Variants in LRBA observed in about 807,000 individuals in gnomAD.
LRBA encodes LPS responsive beige-like anchor protein.
Under a neutral mutation model 330.0 loss-of-function variants are expected in LRBA, and 176 were observed. That is an observed-to-expected ratio of 0.53 (90% CI 0.47 to 0.60). LRBA has a LOEUF of 0.60. LRBA is among the 20% of genes least tolerant of loss of function. LRBA has a pLI of 0.00. For synonymous variants in LRBA, 1,230 were observed against 1,193.0 expected, an observed-to-expected ratio of 1.03 and a Z score of -0.64; for missense variants, 3,259 against 3,444.8, an observed-to-expected ratio of 0.95 and a Z score of 1.35.
At chr4:150,781,211 T>C (rs11934912) in intron 34 of LRBA, among the ~76,000 whole-genome samples, 107,187 of 152,184 alleles carry the variant, frequency 0.7, 42,716 homozygotes, top group Non-Finnish European at 0.9. Flanking sequence ...CATTGTACTA[T>C]GTAGCAAAAT....
intron 42 of LRBA, among the ~76,000 whole-genome samples, chr4:150,481,174 T>C (rs1475913305): frequency 2.0e-5 from 3 of 152,186 alleles, no homozygotes; most frequent in Non-Finnish European, 4.4e-5. Context: ...CAAGATTCCA[T>C]GTTTTTTTAT....
chr4:150,573,330 T>C (rs1355130109), intron 40 of LRBA, among the ~76,000 whole-genome samples: 1 of 152,152 alleles, frequency 6.6e-6, no homozygotes, highest in East Asian at 1.9e-4. Context: ...AAAACATAAA[T>C]TCACAAATAG....
intron 35 of LRBA, among the ~76,000 whole-genome samples, chr4:150,736,328 C>T (rs911622416): frequency 1.3e-5 from 2 of 151,632 alleles, no homozygotes; most frequent in African/African-American, 2.4e-5. Context: ...CAATATCATA[C>T]GAATGGAAAC....
At chr4:150,924,694 C>T (rs923160514) in intron 4 of LRBA, among the ~76,000 whole-genome samples, 2 of 152,016 alleles carry the variant, frequency 1.3e-5, no homozygotes, top group East Asian at 1.9e-4. Flanking sequence ...TAACAGCAAA[C>T]GATAGAAATA....
chr4:150,411,627 A>T (rs573181970), intron 47 of LRBA, among the ~76,000 whole-genome samples: 89 of 152,298 alleles, frequency 5.8e-4, no homozygotes, highest in Admixed American at 2.0e-4. Flanking sequence ...ATTGTAACAC[A>T]CAGCTTGATG....
intron 54 of LRBA, among the ~76,000 whole-genome samples, chr4:150,285,429 T>C (rs1459429264): frequency 2.6e-5 from 4 of 152,220 alleles, no homozygotes; most frequent in Admixed American, 2.6e-4. Flanking sequence ...CCAGCTTAAG[T>C]ATCTTTCTAC....
chr4:150,543,227 G>A (rs186700454), intron 40 of LRBA, among the ~76,000 whole-genome samples: 1 of 152,272 alleles, frequency 6.6e-6, no homozygotes, highest in African/African-American at 2.4e-5. Flanking sequence ...CAAATTACAT[G>A]TCATTCTTAT....
At chr4:150,797,315 C>G (rs1413392543) in intron 34 of LRBA, among the ~76,000 whole-genome samples, 1 of 151,576 alleles carries the variant, frequency 6.6e-6, no homozygotes, top group Admixed American at 6.6e-5. Flanking sequence ...TGGGTCAAAA[C>G]CCTTGACCTC....
At chr4:150,814,106 TAC>T (rs1744193689) in intron 31 of LRBA, among the ~76,000 whole-genome samples, 1 of 152,066 alleles carries the variant, frequency 6.6e-6, no homozygotes, top group Admixed American at 6.6e-5. Flanking sequence ...ATACTTGAGG[TAC>T]AGTTTTTACT....
intron 47 of LRBA, among the ~76,000 whole-genome samples, chr4:150,397,802 A>T (rs1170374058): frequency 6.6e-6 from 1 of 152,206 alleles, no homozygotes; most frequent in African/African-American, 2.4e-5. Context: ...CTACAGGTTG[A>T]GAGTAATAAT....
intron 21 of LRBA, 91 bp downstream of exon 21, chr4:150,868,091 A>T: frequency 1.5e-6 from 2 of 1,297,756 alleles, no homozygotes; most frequent in African/African-American, 3.0e-5. Flanking sequence ...ATCATTTCAC[A>T]GTATTTTTAA....
At chr4:150,783,356 CA>C (rs1307203690) in intron 34 of LRBA, among the ~76,000 whole-genome samples, 1 of 152,070 alleles carries the variant, frequency 6.6e-6, no homozygotes, top group Non-Finnish European at 1.5e-5. Context: ...GATAGAAATA[CA>C]AGACAAGTCT....
chr4:150,520,831 A>G (rs563793900), intron 40 of LRBA, among the ~76,000 whole-genome samples: 80 of 152,300 alleles, frequency 5.3e-4, no homozygotes, highest in African/African-American at 1.7e-3. Flanking sequence ...TTGGGTAACT[A>G]TGCTATATAA....
intron 35 of LRBA, among the ~76,000 whole-genome samples, chr4:150,745,047 T>A (rs565263581): frequency 6.6e-6 from 1 of 152,200 alleles, no homozygotes; most frequent in South Asian, 2.1e-4. Context: ...TCTGAGAGCA[T>A]CCTCTCAGTG....
chr4:150,675,733 T>A (rs917659492), intron 37 of LRBA, among the ~76,000 whole-genome samples: 21 of 151,702 alleles, frequency 1.4e-4, no homozygotes, highest in East Asian at 5.8e-4. Flanking sequence ...ATAAATAAAT[T>A]AATTAAATAA....
intron 37 of LRBA, among the ~76,000 whole-genome samples, chr4:150,650,887 G>T (rs1779643043): frequency 6.6e-6 from 1 of 151,954 alleles, no homozygotes; most frequent in Non-Finnish European, 1.5e-5. Flanking sequence ...GAGAACTAAA[G>T]AGGAGAAACC....
chr4:150,470,097 C>T (rs1451690378), intron 43 of LRBA, among the ~76,000 whole-genome samples: 1 of 152,066 alleles, frequency 6.6e-6, no homozygotes, highest in Non-Finnish European at 1.5e-5. Flanking sequence ...GCAGGAGAAT[C>T]GCTTGAACCT....
chr4:150,371,849 A>T (rs1740378971), intron 47 of LRBA, among the ~76,000 whole-genome samples: 1 of 152,200 alleles, frequency 6.6e-6, no homozygotes, highest in Non-Finnish European at 1.5e-5. Flanking sequence ...TCCTCAAATT[A>T]TCCTTAAACA....
intron 50 of LRBA, 23 bp from the exon 51 acceptor site, chr4:150,315,646 A>T (rs1004674201): frequency 6.6e-7 from 1 of 1,510,776 alleles, no homozygotes. Context: ...AAAGATAAAG[A>T]AAAAAGGCAT....
Sources: gnomAD v4.1 joint callset for allele counts (sites outside exome capture counted in the v4.1 genomes callset) on GRCh38, gnomAD v4.1.1 for gene constraint, MANE v1.5 for transcripts, NCBI Gene and HGNC (gene_info 2026-07-23, HGNC 2026-07-21) for gene names.